Variants in DEPDC5 observed in about 807,000 individuals in gnomAD.
DEPDC5 encodes GATOR1 complex protein DEPDC5.
DEPDC5 carries 73 observed loss-of-function variants against 217.3 expected under a neutral mutation model. The observed-to-expected ratio is 0.34, with a 90% CI of 0.28 to 0.41. DEPDC5 has a LOEUF of 0.41. Among genes scored for constraint, DEPDC5 ranks in the 10% least tolerant of loss-of-function variants. DEPDC5 has a pLI of 1.00. For missense variants in DEPDC5, 1,675 were observed against 2,070.1 expected, an observed-to-expected ratio of 0.81 and a Z score of 3.70; for synonymous variants, 733 against 756.7, an observed-to-expected ratio of 0.97 and a Z score of 0.51.
chr22:31,860,410 A>G (rs1030823120), intron 32 of DEPDC5, among the ~76,000 whole-genome samples: 2 of 152,350 alleles, frequency 1.3e-5, no homozygotes, highest in Middle Eastern at 3.4e-3. Flanking sequence ...GGAATTGAGG[A>G]AAAGTTCCAG....
At chr22:31,845,370 A>G in intron 30 of DEPDC5, 133 bp downstream of exon 30, 2 of 1,222,996 alleles carry the variant, frequency 1.6e-6, no homozygotes, top group Non-Finnish European at 2.3e-6. Flanking sequence ...TAAATCCAAA[A>G]CAGTGTTTTC....
intron 31 of DEPDC5, among the ~76,000 whole-genome samples, chr22:31,849,226 A>G (rs1474414808): frequency 1.3e-5 from 2 of 151,914 alleles, no homozygotes; most frequent in African/African-American, 4.8e-5. Context: ...TCGCTTCCAC[A>G]TTTTCGGGTA....
At chr22:31,809,005 C>G (rs1347599583) in intron 18 of DEPDC5, among the ~76,000 whole-genome samples, 2 of 151,910 alleles carry the variant, frequency 1.3e-5, no homozygotes. Flanking sequence ...TGGGCCCAAG[C>G]AATCCTCCTG....
chr22:31,844,517 C>T (rs1323797742), intron 29 of DEPDC5, among the ~76,000 whole-genome samples: 1 of 152,128 alleles, frequency 6.6e-6, no homozygotes, highest in Non-Finnish European at 1.5e-5. Context: ...TGCAGATTGC[C>T]TTCTTAACGT....
intron 4 of DEPDC5, 65 bp downstream of exon 4, chr22:31,760,767 T>G: frequency 7.4e-7 from 1 of 1,359,822 alleles, no homozygotes; most frequent in South Asian, 1.3e-5. Flanking sequence ...AAGAAATCTC[T>G]CTTCATAATT....
chr22:31,822,826 T>C (rs1192219437), intron 24 of DEPDC5, 36 bp downstream of exon 24: 1 of 1,597,826 alleles, frequency 6.3e-7, no homozygotes, highest in South Asian at 1.1e-5. Flanking sequence ...TTGGGATGTT[T>C]AGATCAGGCT....
chr22:31,872,469 T>C (rs767630376), intron 34 of DEPDC5, among the ~76,000 whole-genome samples: 11 of 152,176 alleles, frequency 7.2e-5, no homozygotes, highest in Non-Finnish European at 1.6e-4. Context: ...ATTTTTCACA[T>C]GGGGGCGCTG....
intron 38 of DEPDC5, among the ~76,000 whole-genome samples, chr22:31,892,446 G>C (rs2093456181): frequency 6.6e-6 from 1 of 152,228 alleles, no homozygotes; most frequent in African/African-American, 2.4e-5. Flanking sequence ...CACTTTGAGA[G>C]GCCGAGGCGG....
intron 8 of DEPDC5, among the ~76,000 whole-genome samples, chr22:31,781,419 GTTTA>G (rs2084427785): frequency 6.6e-6 from 1 of 150,410 alleles, no homozygotes; most frequent in African/African-American, 2.4e-5. Flanking sequence ...AAAAACATGA[GTTTA>G]TTTATTTATT....
intron 36 of DEPDC5, 37 bp from the exon 37 acceptor site, chr22:31,876,120 C>A: frequency 6.2e-7 from 1 of 1,601,942 alleles, no homozygotes; most frequent in Non-Finnish European, 8.5e-7. Context: ...CAAGATGCCT[C>A]TCTGCAGGAA....
chr22:31,838,960 G>A lies in DEPDC5; in HGVS notation c.2515+115G>A, dbSNP rs570748585. The A allele has an allele frequency of 6.0e-6, 7 of 1,158,208 alleles. No homozygotes were observed. In the South Asian group the frequency reaches 1.3e-4, roughly 21 times the overall value. The allele number at this position is 1,158,208 out of a possible 1,614,324, so 71.7% of individuals were successfully genotyped here. On this transcript the variant is annotated intron_variant, in intron 27 of 42. Coordinates refer to ENST00000651528, the MANE Select transcript of DEPDC5 (RefSeq NM_001242896.3). Reference sequence around the variant, plus strand: ...AGTAGTAATCGTTTTCGACATAGAAGTTTTCTTTATAAATTCTACTTAAGT... The same window carrying A: ...AGTAGTAATCGTTTTCGACATAGAAATTTTCTTTATAAATTCTACTTAAGT...
At chr22:31,864,111 CT>C (rs71783325) in intron 33 of DEPDC5, among the ~76,000 whole-genome samples, 49,809 of 141,234 alleles carry the variant, frequency 0.35, 9,650 homozygotes, top group African/African-American at 0.56. Flanking sequence ...TGGATGCTTT[CT>C]TTTTTTTTTT....
At chr22:31,851,524 C>G (rs1569106344) in intron 31 of DEPDC5, among the ~76,000 whole-genome samples, 1 of 152,234 alleles carries the variant, frequency 6.6e-6, no homozygotes, top group Non-Finnish European at 1.5e-5. Context: ...TACCAGTATT[C>G]TGCTGGGAGC....
intron 12 of DEPDC5, 105 bp from the exon 13 acceptor site, chr22:31,797,495 C>T (rs2086377681): frequency 2.3e-6 from 2 of 881,882 alleles, no homozygotes; most frequent in Non-Finnish European, 3.7e-6. Flanking sequence ...CCAGGTTCCT[C>T]CCTCGACACA....
chr22:31,829,567 G>C (rs1490875735), intron 24 of DEPDC5, among the ~76,000 whole-genome samples: 1 of 152,002 alleles, frequency 6.6e-6, no homozygotes, highest in Non-Finnish European at 1.5e-5. Context: ...AATCCAAACA[G>C]AGAAACCTTA....
At chr22:31,789,491 G>A (rs907740578) in intron 10 of DEPDC5, among the ~76,000 whole-genome samples, 2 of 152,134 alleles carry the variant, frequency 1.3e-5, no homozygotes, top group African/African-American at 4.8e-5. Context: ...GGGAGTGACT[G>A]TTTCATCAGT....
chr22:31,767,466 T>A (rs2148141000), intron 6 of DEPDC5, among the ~76,000 whole-genome samples: 1 of 152,252 alleles, frequency 6.6e-6, no homozygotes, highest in African/African-American at 2.4e-5. Flanking sequence ...TGGCTAATTT[T>A]GTGTTTTTAG....
chr22:31,806,752 C>A (rs988651052), intron 18 of DEPDC5, among the ~76,000 whole-genome samples: 1 of 152,070 alleles, frequency 6.6e-6, no homozygotes. Context: ...TTGCCTGTAA[C>A]CCCAGTGCTT....
chr22:31,859,927 G>A (rs182410863), intron 32 of DEPDC5, among the ~76,000 whole-genome samples: 1 of 152,136 alleles, frequency 6.6e-6, no homozygotes, highest in African/African-American at 2.4e-5. Context: ...CAGTTAGAAG[G>A]GACACAGTGG....
Sources: gnomAD v4.1 joint callset for allele counts (sites outside exome capture counted in the v4.1 genomes callset) on GRCh38, gnomAD v4.1.1 for gene constraint, MANE v1.5 for transcripts, NCBI Gene and HGNC (gene_info 2026-07-23, HGNC 2026-07-21) for gene names.